SMYD2: variants seen among roughly 807,000 people sequenced by gnomAD.
SMYD2 encodes SET and MYND domain containing 2.
A neutral mutation model predicts 59.1 loss-of-function variants in SMYD2; 53 were observed. The observed-to-expected ratio is 0.90, with a 90% CI of 0.72 to 1.13. SMYD2 has a LOEUF of 1.13. Ranked by LOEUF, SMYD2 falls within the 50% of genes most tolerant of loss-of-function variation. The pLI, the probability that SMYD2 is intolerant of heterozygous loss-of-function variation, is 0.00. For synonymous variants in SMYD2, 208 were observed against 198.8 expected (o/e 1.05, Z -0.39); for missense variants, 494 against 544.7 (o/e 0.91, Z 0.93).
intron 1 of SMYD2, among the ~76,000 whole-genome samples, chr1:214,290,257 C>G (rs80214418): frequency 0.031 from 4,726 of 152,280 alleles, 120 homozygotes; most frequent in Non-Finnish European, 0.048. Context: ...TCTTTCTAGT[C>G]CGTACATTCG....
chr1:214,295,720 T>C (rs754011954), intron 1 of SMYD2, among the ~76,000 whole-genome samples: 7 of 152,160 alleles, frequency 4.6e-5, no homozygotes, highest in Admixed American at 1.3e-4. Flanking sequence ...CACTGTTACA[T>C]TGTGGATTAA....
At chr1:214,303,862 C>A (rs930781602) in intron 1 of SMYD2, among the ~76,000 whole-genome samples, 2 of 152,246 alleles carry the variant, frequency 1.3e-5, no homozygotes, top group Admixed American at 6.5e-5. Context: ...GGTGGCTCTG[C>A]GGCAGTGTAG....
intron 1 of SMYD2, among the ~76,000 whole-genome samples, chr1:214,285,238 A>G (rs1395316733): frequency 1.3e-5 from 2 of 152,188 alleles, no homozygotes; most frequent in Admixed American, 6.5e-5. Flanking sequence ...TATTCATCTT[A>G]GCTTTCCTCT....
rs990136758 is a variant in SMYD2 at position 214,331,268 on chromosome 1, C to T, written c.937+198C>T. ...CTGTTGGAGTTGTATGATTTTATTT[C>T]CCCTTATTTTGGCTAGTTTGGCTGG... On this transcript the variant is annotated intron_variant, in intron 9 of 11. Coordinates refer to ENST00000366957, the MANE Select transcript of SMYD2 (RefSeq NM_020197.3). The T allele has an allele frequency of 5.4e-6, 4 of 747,556 alleles. No homozygotes were observed. The African/African-American group carries it at 7.1e-5, about 13-fold the overall frequency. The allele number at this position is 747,556 out of a possible 1,614,324, so 46.3% of individuals were successfully genotyped here. A position where few individuals can be genotyped will look rare whatever the true frequency, so the allele number is the denominator to read the frequency against.
intron 1 of SMYD2, among the ~76,000 whole-genome samples, chr1:214,287,625 A>G (rs934845645): frequency 1.3e-5 from 2 of 150,034 alleles, no homozygotes; most frequent in Non-Finnish European, 3.0e-5. Flanking sequence ...CTGTTGACCC[A>G]TAGCCACAAC....
chr1:214,328,030 C>T lies in SMYD2; in HGVS notation c.705+306C>T, dbSNP rs143110171. 9.5e-4 allele frequency among the ~76,000 whole-genome samples: 145 copies of T among 152,290 alleles called. 1 individual carries two copies. Among genetic ancestry groups the T allele is most frequent in the Middle Eastern group, 6.8e-3 (2 of 294 alleles). ...TATAGAGATTTACAGAGAAAGAAGA[C>T]ATTTACTACCAAAATGACCACAGTC... On this transcript the variant is annotated intron_variant, in intron 7 of 11. Coordinates refer to ENST00000366957, the MANE Select transcript of SMYD2 (RefSeq NM_020197.3).
intron 10 of SMYD2, chr1:214,333,817 T>C (rs1657395143): frequency 2.2e-5 from 4 of 184,932 alleles, no homozygotes; most frequent in Admixed American, 2.1e-4. Context: ...CCTAAGGTGA[T>C]AGGCCTAATT....
At chr1:214,326,689 T>A (rs902186425) in intron 6 of SMYD2, among the ~76,000 whole-genome samples, 7 of 152,136 alleles carry the variant, frequency 4.6e-5, no homozygotes, top group African/African-American at 1.7e-4. Context: ...CTGGGGCAGT[T>A]CATCCTCATC....
chr1:214,294,397 G>C (rs1291980977), intron 1 of SMYD2, among the ~76,000 whole-genome samples: 1 of 152,250 alleles, frequency 6.6e-6, no homozygotes, highest in Non-Finnish European at 1.5e-5. Context: ...GCCAGGCGCG[G>C]TGGCTTACGC....
At chr1:214,295,087 TAGAA>T (rs1411236635) in intron 1 of SMYD2, among the ~76,000 whole-genome samples, 1 of 152,218 alleles carries the variant, frequency 6.6e-6, no homozygotes, top group African/African-American at 2.4e-5. Context: ...AGAACTGAGT[TAGAA>T]AGGCATTCGT....
At chr1:214,297,943 G>C (rs1656760797) in intron 1 of SMYD2, among the ~76,000 whole-genome samples, 1 of 152,020 alleles carries the variant, frequency 6.6e-6, no homozygotes. Flanking sequence ...CTCATGGATT[G>C]GAAGAACCAA....
At chr1:214,332,292 A>G (rs1222995042) in intron 10 of SMYD2, 100 bp downstream of exon 10, 2 of 1,398,290 alleles carry the variant, frequency 1.4e-6, no homozygotes, top group African/African-American at 2.9e-5. Flanking sequence ...AGACTTGCCT[A>G]GCGCAGCTGC....
intron 11 of SMYD2, among the ~76,000 whole-genome samples, chr1:214,336,416 C>G (rs1657438609): frequency 6.6e-6 from 1 of 152,142 alleles, no homozygotes; most frequent in Non-Finnish European, 1.5e-5. Flanking sequence ...CCTGTGGTCC[C>G]AGCTACTCGG....
At chr1:214,333,357 C>G (rs572945860) in intron 10 of SMYD2, 1 of 152,254 alleles carries the variant, frequency 6.6e-6, no homozygotes, top group African/African-American at 2.4e-5. Flanking sequence ...GAGCCCCTCC[C>G]GGAAGCCCAG....
At chr1:214,289,188 C>A (rs1656597973) in intron 1 of SMYD2, among the ~76,000 whole-genome samples, 1 of 152,102 alleles carries the variant, frequency 6.6e-6, no homozygotes, top group Admixed American at 6.6e-5. Context: ...TGGGAGAACT[C>A]AGAATTGGTG....
chr1:214,328,245 T>C (rs1376349745), intron 7 of SMYD2, among the ~76,000 whole-genome samples: 1 of 152,078 alleles, frequency 6.6e-6, no homozygotes, highest in Non-Finnish European at 1.5e-5. Context: ...CATCAGAATT[T>C]CGTGTTCTAT....
chr1:214,299,023 T>C (rs559707259), intron 1 of SMYD2, among the ~76,000 whole-genome samples: 25 of 152,096 alleles, frequency 1.6e-4, no homozygotes, highest in African/African-American at 5.3e-4. Flanking sequence ...TGGTAGTGTG[T>C]CCCTGTGGTC....
chr1:214,305,883 G>T (rs1656908130), intron 2 of SMYD2, among the ~76,000 whole-genome samples: 1 of 152,188 alleles, frequency 6.6e-6, no homozygotes, highest in African/African-American at 2.4e-5. Flanking sequence ...CCTAAGAGTG[G>T]TATTTCCCAA....
In SMYD2 at chr1:214,318,449, C is replaced by T. The variant is rs1657120265; in HGVS notation, c.409+310C>T. On this transcript the variant is annotated intron_variant, in intron 4 of 11. Coordinates refer to ENST00000366957, the MANE Select transcript of SMYD2 (RefSeq NM_020197.3). This position sits in a 1 kb window ranked among gnomAD's most constrained non-coding sequence, Gnocchi z 5.4. ...TTGGATCTTTGCTGAATTGCGTCCT[C>T]TAAATAGCTGATGTTCTTACTGAAA... is the stretch of plus-strand genomic sequence containing the variant. Among the ~76,000 whole-genome samples the T allele has an allele frequency of 6.6e-6, 1 of 152,140 alleles. No individual in the cohort carries two copies. The highest frequency in any genetic ancestry group is 2.4e-5 in the African/African-American group (1 of 41,422).
Sources: gnomAD v4.1 joint callset for allele counts (sites outside exome capture counted in the v4.1 genomes callset) on GRCh38, gnomAD v4.1.1 for gene constraint, Gnocchi (gnomAD v3.1) non-coding constraint, MANE v1.5 for transcripts, NCBI Gene and HGNC (gene_info 2026-07-23, HGNC 2026-07-21) for gene names.